Variants in UPP1 observed in about 807,000 individuals in gnomAD.
The protein encoded by UPP1 is UPase 1.
Under a neutral mutation model 29.6 loss-of-function variants are expected in UPP1, and 25 were observed. That is an observed-to-expected ratio of 0.85 (90% CI 0.62 to 1.18). UPP1 has a LOEUF of 1.18. Among genes scored for constraint, UPP1 ranks in the 50% most tolerant of loss-of-function variants. UPP1 has a pLI of 0.00. For missense variants in UPP1, 368 were observed against 410.4 expected (o/e 0.90, Z 0.89); for synonymous variants, 165 against 159.8 (o/e 1.03, Z -0.25).
intron 8 of UPP1, among the ~76,000 whole-genome samples, 156 bp downstream of exon 8, chr7:48,107,663 C>T (rs1792841105): frequency 6.6e-6 from 1 of 152,216 alleles, no homozygotes; most frequent in Admixed American, 6.5e-5. Context: ...TATGTGTTGT[C>T]ACCACAATGC....
In UPP1 at chr7:48,108,623, T is replaced by A. The variant is rs1221033629; in HGVS notation, c.*266T>A. 9.9e-6 allele frequency: 3 copies of A among 302,748 alleles called. No individual in the cohort carries two copies. The highest frequency in any genetic ancestry group is 5.6e-5 in the East Asian group (1 of 17,774). The allele number at this position is 302,748 out of a possible 1,614,324, so 18.8% of individuals were successfully genotyped here. ...AATTTTTGTACTATTTCTAGGGAAATTTTTCAGACTTTAAAATTCTAATGG... is the reference window on the plus strand; with the variant it reads ...AATTTTTGTACTATTTCTAGGGAAAATTTTCAGACTTTAAAATTCTAATGG... On this transcript the variant is annotated 3_prime_UTR_variant, in exon 9 of 9. Transcript: ENST00000395564.
intron 2 of UPP1, among the ~76,000 whole-genome samples, chr7:48,091,977 C>T (rs1791863725): frequency 6.6e-6 from 1 of 152,196 alleles, no homozygotes; most frequent in South Asian, 2.1e-4. Context: ...GCTTGGTTTC[C>T]TTTTCTACAA....
At chr7:48,102,017 G>T in intron 5 of UPP1, 35 bp downstream of exon 5, 1 of 1,601,300 alleles carries the variant, frequency 6.2e-7, no homozygotes, top group South Asian at 1.1e-5. Flanking sequence ...TCAGTCTCTA[G>T]GCTCTGCAAC....
intron 1 of UPP1, 147 bp downstream of exon 1, chr7:48,089,565 C>T (rs910107011): frequency 1.1e-4 from 17 of 153,466 alleles, no homozygotes; most frequent in African/African-American, 3.9e-4. Flanking sequence ...GAGCAGAGAG[C>T]GGCCCGGCGC....
At chr7:48,093,562 A>G (rs1399353181) in intron 2 of UPP1, among the ~76,000 whole-genome samples, 1 of 152,162 alleles carries the variant, frequency 6.6e-6, no homozygotes, top group Non-Finnish European at 1.5e-5. Flanking sequence ...TTATTAACTG[A>G]GTTCAAAACG....
At chr7:48,106,262 A>G (rs1014149347) in intron 6 of UPP1, 7 of 154,610 alleles carry the variant, frequency 4.5e-5, no homozygotes, top group Non-Finnish European at 8.6e-5. Context: ...GAATGGAAGC[A>G]AGAAATATGG....
At chr7:48,106,767 T>A in intron 6 of UPP1, 106 bp from the exon 7 acceptor site, 1 of 977,902 alleles carries the variant, frequency 1.0e-6, no homozygotes, top group Non-Finnish European at 1.6e-6. Flanking sequence ...TGTGGGTGGA[T>A]CTGCTTCTTT....
chr7:48,091,989 C>T (rs779309249), intron 2 of UPP1, among the ~76,000 whole-genome samples: 2 of 152,126 alleles, frequency 1.3e-5, no homozygotes, highest in Non-Finnish European at 2.9e-5. Context: ...TTTCTACAAA[C>T]GGGGTTGGAT....
intron 2 of UPP1, 107 bp from the exon 3 acceptor site, chr7:48,094,655 TA>T: frequency 1.1e-6 from 1 of 890,898 alleles, no homozygotes; most frequent in Non-Finnish European, 1.8e-6. Flanking sequence ...ATCAGGTGTG[TA>T]AGGAATTCCA....
At chr7:48,107,166 C>T (rs576456825) in intron 7 of UPP1, 84 bp downstream of exon 7, 20 of 1,520,572 alleles carry the variant, frequency 1.3e-5, no homozygotes, top group Admixed American at 1.8e-5. Flanking sequence ...TGTGGACTGG[C>T]GTTTCCACTT....
intron 3 of UPP1, 74 bp from the exon 4 acceptor site, chr7:48,099,596 G>C: frequency 2.9e-6 from 3 of 1,049,134 alleles, no homozygotes; most frequent in Non-Finnish European, 4.4e-6. Flanking sequence ...GTCTGACATA[G>C]GCCACTTCTG....
intron 2 of UPP1, among the ~76,000 whole-genome samples, chr7:48,094,258 TTTG>T (rs1792006411): frequency 2.0e-5 from 3 of 151,880 alleles, no homozygotes; most frequent in African/African-American, 7.3e-5. Context: ...TTTGTTTTGT[TTTG>T]TTTTGTTTTT....
intron 3 of UPP1, among the ~76,000 whole-genome samples, chr7:48,095,151 C>T (rs1792061310): frequency 6.6e-6 from 1 of 152,224 alleles, no homozygotes; most frequent in Non-Finnish European, 1.5e-5. Context: ...CTGCTTATCA[C>T]TCAGCTCTGC....
rs552156661 is a variant in UPP1 at position 48,094,709 on chromosome 7, G to T, written c.-21-54G>T. 1.0e-5 allele frequency: 16 copies of T among 1,550,092 alleles called. No individual in the cohort carries two copies. In the South Asian group the frequency reaches 1.8e-4, roughly 17 times the overall value. On this transcript the variant is annotated intron_variant, in intron 2 of 8. Transcript: ENST00000395564. ...TCTACATATTAGTGGGGCTCTGCAC[G>T]ATCTTGGTTTCTACTGAGTGGATTC...
In UPP1 at chr7:48,103,644, A is replaced by G. The variant is rs1562656595; in HGVS notation, c.436+233A>G. On this transcript the variant is annotated intron_variant, in intron 6 of 8. Transcript: ENST00000395564. The stretch of plus-strand genomic sequence containing the variant: ...AGTAGAAGGGCACCACACCATGCAT[A>G]TGGGGGAAACTCATCCTTTTGGGGT... 7.5e-6 allele frequency: 7 copies of G among 939,386 alleles called. No homozygotes were observed. The South Asian group carries it at 9.6e-5, about 13-fold the overall frequency. The allele number at this position is 939,386 out of a possible 1,614,324, so 58.2% of individuals were successfully genotyped here.
chr7:48,103,862 G>A (rs1792575274), intron 6 of UPP1: 1 of 1,289,278 alleles, frequency 7.8e-7, no homozygotes, highest in South Asian at 1.2e-5. Context: ...ACTCAGATAA[G>A]TGTCCTTAAA....
At chr7:48,099,981 G>C (rs1792334777) in intron 4 of UPP1, among the ~76,000 whole-genome samples, 194 bp downstream of exon 4, 3 of 152,236 alleles carry the variant, frequency 2.0e-5, no homozygotes, top group African/African-American at 7.2e-5. Flanking sequence ...CCTAAGTAGT[G>C]CCAAATTGTT....
At chr7:48,090,574 C>A (rs112159121) in intron 2 of UPP1, among the ~76,000 whole-genome samples, 6 of 152,160 alleles carry the variant, frequency 3.9e-5, no homozygotes, top group African/African-American at 1.2e-4. Flanking sequence ...TTAAAAAGAC[C>A]ATTGGTTCCA....
intron 4 of UPP1, among the ~76,000 whole-genome samples, chr7:48,100,932 C>G (rs6974256): frequency 0.82 from 124,416 of 151,846 alleles, 51,668 homozygotes; most frequent in African/African-American, 0.95. Flanking sequence ...AATTTTTTGA[C>G]CTGGAGTCTC....
Sources: gnomAD v4.1 joint callset for allele counts (sites outside exome capture counted in the v4.1 genomes callset) on GRCh38, gnomAD v4.1.1 for gene constraint, MANE v1.5 for transcripts, NCBI Gene and HGNC (gene_info 2026-07-23, HGNC 2026-07-21) for gene names.